Variants in SGCE observed in about 807,000 individuals in gnomAD.
SGCE encodes the protein sarcoglycan epsilon.
A neutral mutation model predicts 57.8 loss-of-function variants in SGCE; 26 were observed. That is an observed-to-expected ratio of 0.45 (90% CI 0.33 to 0.62). The LOEUF is 0.62. Ranked by LOEUF, SGCE falls within the 20% of genes least tolerant of loss-of-function variation. The pLI is 0.02. For missense variants in SGCE, 468 were observed against 548.6 expected (o/e 0.85, Z 1.47); for synonymous variants, 183 against 189.5 (o/e 0.97, Z 0.28).
intron 9 of SGCE, among the ~76,000 whole-genome samples, chr7:94,595,989 TTATC>T (rs751398537): frequency 1.3e-5 from 2 of 152,164 alleles, no homozygotes; most frequent in Admixed American, 6.5e-5. Flanking sequence ...ACATCATCAA[TTATC>T]TGTGTACCCT....
chr7:94,628,652 A>G (rs926832614), intron 2 of SGCE: 9 of 358,768 alleles, frequency 2.5e-5, no homozygotes, highest in Admixed American at 1.7e-4. Flanking sequence ...CAGTGAGACA[A>G]CTATCTTTCA....
rs375605982 is a variant in SGCE at position 94,637,677 on chromosome 7, TGA to T, written c.110-7838_110-7837del. Among the ~76,000 whole-genome samples the T allele has an allele frequency of 3.8e-3, 575 of 152,202 alleles. 3 individuals are homozygous for T. Among genetic ancestry groups the T allele is most frequent in the African/African-American group, 0.013 (543 of 41,548 alleles). On this transcript the variant is annotated intron_variant, in intron 1 of 10. Transcript: ENST00000648936. ...TGACTCTGCTGAGTGCAGCAGCTGTTGAGAGAGTATTTTTTTGTTTTTGGAAA... is the reference window on the plus strand; with the variant it reads ...TGACTCTGCTGAGTGCAGCAGCTGTTGAGAGTATTTTTTTGTTTTTGGAAA...
chr7:94,612,482 C>T (rs1801186860), intron 5 of SGCE, among the ~76,000 whole-genome samples: 1 of 152,084 alleles, frequency 6.6e-6, no homozygotes, highest in South Asian at 2.1e-4. Flanking sequence ...ACATTGTAAT[C>T]TTTGTAATTA....
At chr7:94,601,945 G>A (rs1179250522) in intron 6 of SGCE, among the ~76,000 whole-genome samples, 1 of 151,984 alleles carries the variant, frequency 6.6e-6, no homozygotes, top group African/African-American at 2.4e-5. Flanking sequence ...GTGGCAAGAT[G>A]TGGCATAAAA....
intron 5 of SGCE, among the ~76,000 whole-genome samples, chr7:94,616,461 T>C (rs1801951077): frequency 6.6e-6 from 1 of 152,194 alleles, no homozygotes; most frequent in Non-Finnish European, 1.5e-5. Flanking sequence ...CAAAAATTTT[T>C]ACAAGGGATA....
chr7:94,653,101 T>C (rs1808122032), intron 1 of SGCE, among the ~76,000 whole-genome samples: 1 of 152,194 alleles, frequency 6.6e-6, no homozygotes. Context: ...AAATTCCAGT[T>C]TGTTTTGAAA....
At chr7:94,655,418 C>T (rs576523472) in intron 1 of SGCE, among the ~76,000 whole-genome samples, 36 of 152,248 alleles carry the variant, frequency 2.4e-4, no homozygotes, top group Middle Eastern at 6.8e-3. Context: ...CTCCGTAAAA[C>T]CGAAGAAAAC....
At chr7:94,598,547 G>A (rs1452763659) in intron 9 of SGCE, 6 of 531,540 alleles carry the variant, frequency 1.1e-5, no homozygotes, top group Non-Finnish European at 2.0e-5. Flanking sequence ...TAAATATTAA[G>A]GTATATGTAG....
At chr7:94,600,520 T>C in intron 7 of SGCE, 126 bp downstream of exon 7, 1 of 707,202 alleles carries the variant, frequency 1.4e-6, no homozygotes, top group Non-Finnish European at 2.5e-6. Flanking sequence ...TATTGCAGTT[T>C]GGACACAATT....
chr7:94,615,486 C>T (rs1006172381), intron 5 of SGCE, among the ~76,000 whole-genome samples: 12 of 152,024 alleles, frequency 7.9e-5, no homozygotes, highest in Admixed American at 4.6e-4. Flanking sequence ...GAAATTGGCC[C>T]AGGATCATGA....
At chr7:94,598,041 A>T (rs947381850) in intron 9 of SGCE, 1 of 164,828 alleles carries the variant, frequency 6.1e-6, no homozygotes. Context: ...ACATATTCTT[A>T]TAAATAACAG....
At chr7:94,625,202 T>C (rs574059961) in intron 3 of SGCE, 1 of 152,044 alleles carries the variant, frequency 6.6e-6, no homozygotes, top group South Asian at 2.1e-4. Context: ...ACTGAATGAA[T>C]TAGTAGACTT....
intron 1 of SGCE, among the ~76,000 whole-genome samples, chr7:94,635,718 G>T (rs1805521066): frequency 6.6e-6 from 1 of 152,160 alleles, no homozygotes; most frequent in South Asian, 2.1e-4. Context: ...TTGCTGTAGA[G>T]AAATATTTTA....
chr7:94,592,974 T>A (rs1797900379), intron 9 of SGCE, among the ~76,000 whole-genome samples: 1 of 152,124 alleles, frequency 6.6e-6, no homozygotes, highest in Non-Finnish European at 1.5e-5. Flanking sequence ...TCTGAAATAT[T>A]CTTGGCTGCC....
At chr7:94,648,376 CAA>C (rs71123907) in intron 1 of SGCE, among the ~76,000 whole-genome samples, 328 of 65,088 alleles carry the variant, frequency 5.0e-3, no homozygotes, top group African/African-American at 0.018. Context: ...ACTCTGTCTC[CAA>C]AAAAAAAAAA....
At chr7:94,636,840 G>C (rs1805657631) in intron 1 of SGCE, among the ~76,000 whole-genome samples, 5 of 152,308 alleles carry the variant, frequency 3.3e-5, no homozygotes, top group Admixed American at 3.3e-4. Context: ...AAGGCGGGCA[G>C]ATCACCTGAG....
chr7:94,600,468 A>G (rs1799031822), intron 7 of SGCE, 178 bp downstream of exon 7: 2 of 586,046 alleles, frequency 3.4e-6, no homozygotes, highest in Admixed American at 6.2e-5. Context: ...AATTTGATTT[A>G]CTAGACTCAA....
intron 1 of SGCE, among the ~76,000 whole-genome samples, chr7:94,649,550 T>G (rs1303056397): frequency 6.6e-6 from 1 of 152,202 alleles, no homozygotes; most frequent in Non-Finnish European, 1.5e-5. Context: ...CTTTGAGCTT[T>G]TCTGTCTTGG....
At chr7:94,623,278 A>G in intron 4 of SGCE, 47 bp downstream of exon 4, 1 of 1,191,832 alleles carries the variant, frequency 8.4e-7, no homozygotes, top group South Asian at 1.3e-5. Flanking sequence ...AAACATAATG[A>G]AATACTTCTT....
Sources: gnomAD v4.1 joint callset for allele counts (sites outside exome capture counted in the v4.1 genomes callset) on GRCh38, gnomAD v4.1.1 for gene constraint, MANE v1.5 for transcripts, NCBI Gene and HGNC (gene_info 2026-07-23, HGNC 2026-07-21) for gene names.